Variants in ZNF132 observed in about 807,000 individuals in gnomAD.
ZNF132 encodes zinc finger protein 132 (clone pHZ-12).
A neutral mutation model predicts 9.3 loss-of-function variants in ZNF132; 6 were observed. The observed-to-expected ratio is 0.65, with a 90% confidence interval of 0.35 to 1.28. The LOEUF is 1.28. Ranked by LOEUF, ZNF132 falls within the 50% of genes most tolerant of loss-of-function variation. The probability of loss-of-function intolerance (pLI) is 0.03; values close to 1 mark genes in which losing one functional copy is unlikely to be tolerated. For missense variants in ZNF132, 877 were observed against 843.2 expected (o/e 1.04, Z -0.50); for synonymous variants, 296 against 292.0 (o/e 1.01, Z -0.14).
In ZNF132 at chr19:58,435,122, G is replaced by A. The variant is rs368664351; in HGVS notation, c.322C>T (p.Pro108Ser). ...CAGGAGTTAGCTTTCTTGGTGGAAG[G>A]ATCTGCATTAGGGATCCTGACCTGT... ...VLQVRIPNAD[P>S]STKKANSCDM... The change falls in exon 3 of 3, where the codon CCT becomes TCT. Residue 108 changes from proline (P) to serine (S), a missense_variant. Physicochemically the swap from Pro to Ser is moderately conservative, Grantham distance 74 (BLOSUM62 -1). Transcript: ENST00000254166. 5.0e-6 allele frequency: 8 copies of A among 1,614,002 alleles called. No individual in the cohort carries two copies. Among genetic ancestry groups the A allele is most frequent in the Non-Finnish European group, 5.9e-6 (7 of 1,180,036 alleles).
chr19:58,434,835 G>A lies in ZNF132; in HGVS notation c.609C>T (p.Gly203=), dbSNP rs753375440. The change falls in exon 3 of 3, where the codon GGC becomes GGT. Residue 203 remains glycine, a synonymous_variant. Coordinates refer to ENST00000254166, the MANE Select transcript of ZNF132 (RefSeq NM_003433.4). The stretch of plus-strand genomic sequence containing the variant: ...CTTGAAGCTGGAGGAGGTCACAGCT[G>A]CCCAGGATGACCTTCCCACCTTCCC... ...TCREGGKVIL[G]SCDLLQLQAV... The A allele has an allele frequency of 1.9e-6, 3 of 1,614,056 alleles. No individual in the cohort carries two copies. Among genetic ancestry groups the A allele is most frequent in the Admixed American group, 3.3e-5 (2 of 60,004 alleles).
chr19:58,439,206 A>G (rs1486711471), intron 1 of ZNF132, among the ~76,000 whole-genome samples: 1 of 152,168 alleles, frequency 6.6e-6, no homozygotes, highest in Non-Finnish European at 1.5e-5. Context: ...TACCCAAAGC[A>G]CACATCTGGA....
intron 1 of ZNF132, 34 bp downstream of exon 1, chr19:58,439,725 C>G: frequency 6.7e-7 from 1 of 1,496,166 alleles, no homozygotes; most frequent in Non-Finnish European, 8.9e-7. Context: ...GCCGGAATCC[C>G]AGCGGGTGAG....
In ZNF132 at chr19:58,434,638, C is replaced by A. The variant is rs760624721; in HGVS notation, c.806G>T (p.Gly269Val). ...TGATTTCTCCTCTAAGAAATTTCCA[C>A]CTGTTGGGCATGTAAATGGTATCTC... ...SEEIPFTCPT[G>V]GNFLEEKSIL... The change falls in exon 3 of 3, where the codon GGT becomes GTT. Residue 269 changes from glycine (G) to valine (V), a missense_variant. Gly to Val is a moderately radical substitution (Grantham distance 109). Coordinates refer to ENST00000254166, the MANE Select transcript of ZNF132 (RefSeq NM_003433.4). 2 of 1,614,186 alleles carry A rather than the reference C, an allele frequency of 1.2e-6. No individual in the cohort carries two copies. Among genetic ancestry groups the A allele is most frequent in the Non-Finnish European group, 1.7e-6 (2 of 1,180,034 alleles).
In ZNF132 at chr19:58,434,495, T is replaced by A; in HGVS notation, c.949A>T (p.Lys317Ter). Residue 317 changes from lysine (K) to a stop codon, truncating the protein, a stop_gained, in exon 3 of 3, where the codon AAA becomes TAA. Coordinates refer to ENST00000254166, the MANE Select transcript of ZNF132 (RefSeq NM_003433.4). LOFTEE classifies it low-confidence loss of function (END_TRUNC). ...RKHQKFHTEV[K>*]YYECIACGKT... is the part of the protein sequence containing the mutation. ...CCACATGCAATGCACTCATAATATT[T>A]TACTTCAGTGTGAAATTTCTGGTGC... is the stretch of plus-strand genomic sequence containing the variant. 6.2e-7 allele frequency: 1 copy of A among 1,614,226 alleles called. No homozygotes were observed.
intron 1 of ZNF132, chr19:58,437,651 G>T (rs759707259): frequency 4.9e-5 from 46 of 936,010 alleles, no homozygotes; most frequent in Non-Finnish European, 5.6e-5. Flanking sequence ...AGACCATACA[G>T]TTCTTATATT....
At position 58,433,991 on chromosome 19, in the gene ZNF132, G is replaced by A. The variant is rs774490675; in HGVS notation, c.1453C>T (p.Arg485Trp). ...LRHQKVHTGERPFECCDCGKA... is the reference protein window; with the variant it reads ...LRHQKVHTGEWPFECCDCGKA... ...CCACAATCACAGCATTCAAAAGGCC[G>A]TTCTCCAGTGTGAACTTTCTGATGT... Residue 485 changes from arginine to tryptophan, a missense_variant, in exon 3 of 3, where the codon CGG (arginine) becomes TGG (tryptophan). Transcript: ENST00000254166. The A allele has an allele frequency of 1.0e-4, 167 of 1,613,828 alleles. No individual in the cohort carries two copies. The East Asian group carries it at 1.5e-3, about 15-fold the overall frequency.
Position 58,440,078 on chromosome 19 carries a change from C to T in ZNF132, c.-257G>A, listed in dbSNP as rs2052794651. The T allele has an allele frequency of 5.9e-6, 3 of 505,248 alleles. No individual in the cohort carries two copies. The African/African-American group carries it at 6.1e-5, about 10-fold the overall frequency. The allele number at this position is 505,248 out of a possible 1,614,324, so 31.3% of individuals were successfully genotyped here. A position where few individuals can be genotyped will look rare whatever the true frequency, so the allele number is the denominator to read the frequency against. On this transcript the variant is annotated 5_prime_UTR_variant, in exon 1 of 3. It adds an upstream start codon to the 5' untranslated region. Transcript: ENST00000254166. ...TGAAGGCGCGGTGACGGTCCCTGCA[C>T]CCACTCCCGTGCCCTGGTGTGGCTC...
rs2052793535 is a variant in ZNF132, at chr19:58,439,940, C to T, written c.-119G>A. ...AAATGCGCGCAAGGCCTCTGGGCAC[C>T]GCAGGGACGAAGGCTGGGTATGGAG... On this transcript the variant is annotated 5_prime_UTR_variant, in exon 1 of 3. Coordinates refer to ENST00000254166, the MANE Select transcript of ZNF132 (RefSeq NM_003433.4). The T allele has an allele frequency of 3.8e-6, 4 of 1,058,880 alleles. No individual in the cohort carries two copies. The highest frequency in any genetic ancestry group is 2.6e-4 in the Middle Eastern group (1 of 3,782). 65.6% of individuals were successfully genotyped at this position (1,058,880 alleles called of 1,614,324 possible). A position where few individuals can be genotyped will look rare whatever the true frequency, so the allele number is the denominator to read the frequency against.
Position 58,434,656 on chromosome 19 carries a change from G to T in ZNF132, c.788C>A (p.Pro263Gln). 1 of 1,614,198 alleles carries T rather than the reference G, an allele frequency of 6.2e-7. No individual in the cohort carries two copies. Among genetic ancestry groups the T allele is most frequent in the Non-Finnish European group, 8.5e-7 (1 of 1,180,032 alleles). Residue 263 changes from proline (P) to glutamine (Q), a missense_variant, in exon 3 of 3, where the codon CCA (proline) becomes CAA (glutamine). Pro to Gln is a moderately conservative substitution (Grantham distance 76). Transcript: ENST00000254166. Reference protein sequence around the residue: ...NHLRTHSEEIPFTCPTGGNFL... With the variant: ...NHLRTHSEEIQFTCPTGGNFL... The stretch of plus-strand genomic sequence containing the variant: ...ATTTCCACCTGTTGGGCATGTAAAT[G>T]GTATCTCTTCAGAGTGAGTTCTCAG...
Position 58,437,165 on chromosome 19 carries a change from T to A in ZNF132, c.114A>T (p.Val38=), listed in dbSNP as rs2052778176. The change falls in exon 2 of 3, where the codon GTA becomes GTT. Residue 38 remains valine, a synonymous_variant. Transcript: ENST00000254166. ...AGTATACAGCCACATCTTCAAAGGT[T>A]ACCATGCTCTTCAATGTGGGGACAG... The part of the protein sequence containing the change: ...GSAVPTLKSM[V]TFEDVAVYFS... 1 of 1,613,520 alleles carries A rather than the reference T, an allele frequency of 6.2e-7. No individual in the cohort carries two copies. The highest frequency in any genetic ancestry group is 8.5e-7 in the Non-Finnish European group (1 of 1,179,730).
chr19:58,433,560 T>C lies in ZNF132; in HGVS notation c.1884A>G (p.Glu628=). The change falls in exon 3 of 3, where the codon GAA becomes GAG. Residue 628 remains glutamate, a synonymous_variant. Coordinates refer to ENST00000254166, the MANE Select transcript of ZNF132 (RefSeq NM_003433.4). ...TAAAGGCTCTCCCACATTCACTGCA[T>C]TCGTAAGGCCTTTCTCCAGTGTGAA... ...WRVHTGERPY[E]CSECGRAFSS... 6.2e-7 allele frequency: 1 copy of C among 1,614,112 alleles called. No homozygotes were observed. The highest frequency in any genetic ancestry group is 8.5e-7 in the Non-Finnish European group (1 of 1,179,986).
Position 58,434,677 on chromosome 19 carries a change from C to G in ZNF132, c.767G>C (p.Arg256Thr). Residue 256 changes from arginine to threonine, a missense_variant, in exon 3 of 3, where the codon AGA becomes ACA. Arg to Thr is a moderately conservative substitution (Grantham distance 71, BLOSUM62 -1). Transcript: ENST00000254166. ...LKSSTLPNHL[R>T]THSEEIPFTC... ...AAATGGTATCTCTTCAGAGTGAGTT[C>G]TCAGATGGTTGGGGAGAGTGGAGCT... 1 of 1,614,192 alleles carries G rather than the reference C, an allele frequency of 6.2e-7. No individual in the cohort carries two copies. Among genetic ancestry groups the G allele is most frequent in the Non-Finnish European group, 8.5e-7 (1 of 1,180,040 alleles).
chr19:58,436,137 G>A lies in ZNF132; in HGVS notation c.232+910C>T, dbSNP rs2052771408. ...TGTCTAGGAAACGTAAATCTATATA[G>A]TCAGAAAGTAGATTAGTGGTTGCCT... On this transcript the variant is annotated intron_variant, in intron 2 of 2. Coordinates refer to ENST00000254166, the MANE Select transcript of ZNF132 (RefSeq NM_003433.4). The A allele has an allele frequency of 2.0e-5, 3 of 153,106 alleles. No individual in the cohort carries two copies. The Admixed American group carries it at 2.0e-4, about 10-fold the overall frequency. The allele number at this position is 153,106 out of a possible 1,614,324, so 9.5% of individuals were successfully genotyped here.
intron 2 of ZNF132, among the ~76,000 whole-genome samples, chr19:58,436,007 G>T (rs770655110): frequency 6.6e-6 from 1 of 152,180 alleles, no homozygotes; most frequent in South Asian, 2.1e-4. Flanking sequence ...GGAATATTTG[G>T]CTATAAAAAA....
In ZNF132 at chr19:58,433,747, G is replaced by A. The variant is rs201643742; in HGVS notation, c.1697C>T (p.Thr566Ile). ...STLIEHWRVH[T>I]KERPYECNEC... The stretch of plus-strand genomic sequence containing the variant: ...ATTGCACTCATAAGGCCTTTCTTTT[G>A]TGTGAACTCTCCAGTGTTCAATGAG... Residue 566 changes from threonine to isoleucine, a missense_variant, in exon 3 of 3, where the codon ACA (threonine) becomes ATA (isoleucine). Physicochemically the swap from Thr to Ile is moderately conservative, Grantham distance 89. Coordinates refer to ENST00000254166, the MANE Select transcript of ZNF132 (RefSeq NM_003433.4). The A allele has an allele frequency of 8.1e-6, 13 of 1,614,052 alleles. No individual in the cohort carries two copies. The highest frequency in any genetic ancestry group is 1.7e-5 in the Admixed American group (1 of 60,016).
chr19:58,433,116 T>C lies in ZNF132; in HGVS notation c.*207A>G, dbSNP rs2052751618. 1 of 612,908 alleles carries C rather than the reference T, an allele frequency of 1.6e-6. No homozygotes were observed. Among genetic ancestry groups the C allele is most frequent in the African/African-American group, 1.8e-5 (1 of 54,246 alleles). 38.0% of individuals were successfully genotyped at this position (612,908 alleles called of 1,614,324 possible). ...TGCAAATTTTTGGATCCAGGCAAGA[T>C]GGAAAGTGACTATGGCTTCTGCCTT... On this transcript the variant is annotated 3_prime_UTR_variant, in exon 3 of 3. Transcript: ENST00000254166.
rs866961316 is a variant in ZNF132, at chr19:58,435,150, CA to C, written c.293del (p.Val98GlyfsTer26). ...CTGCATTAGGGATCCTGACCTGTAA[CA>C]CTTCTACAGAAACATTCTGCTTGGG... ...AHPKQNVSVE[V>X]LQVRIPNADP... On this transcript the variant is annotated frameshift_variant, in exon 3 of 3. Transcript: ENST00000254166. LOFTEE classifies it low-confidence loss of function (END_TRUNC). The C allele has an allele frequency of 1.9e-6, 3 of 1,614,074 alleles. No individual in the cohort carries two copies. In the African/African-American group the frequency reaches 4.0e-5, roughly 22 times the overall value.
chr19:58,436,608 C>A (rs2052774034), intron 2 of ZNF132, among the ~76,000 whole-genome samples: 1 of 133,162 alleles, frequency 7.5e-6, no homozygotes, highest in Non-Finnish European at 1.5e-5. Flanking sequence ...GCAGAGCTTG[C>A]AGTAAGCTGA....
Sources: allele counts gnomAD v4.1 joint callset (sites outside exome capture counted in the v4.1 genomes callset), GRCh38; gene constraint gnomAD v4.1.1; transcripts MANE v1.5; gene names NCBI Gene and HGNC (gene_info 2026-07-23, HGNC 2026-07-21).